ABCA1: variants seen among roughly 807,000 people sequenced by gnomAD.
ABCA1 encodes ATP binding cassette subfamily A member 1, also known as phospholipid-transporting ATPase ABCA1.
A neutral mutation model predicts 262.5 loss-of-function variants in ABCA1; 133 were observed. The ratio of observed to expected loss-of-function variants is 0.51; its 90% CI spans 0.44 to 0.59. The LOEUF is 0.59. Among genes scored for constraint, ABCA1 ranks in the 20% least tolerant of loss-of-function variants. ABCA1 has a pLI of 0.00. For synonymous variants in ABCA1, 1,022 were observed against 1,043.5 expected (o/e 0.98, Z 0.40); for missense variants, 2,452 against 2,777.5 (o/e 0.88, Z 2.63).
In ABCA1 at chr9:104,819,715, G is replaced by T. The variant is rs1330493099; in HGVS notation, c.3112C>A (p.Gln1038Lys). 2 of 1,614,048 alleles carry T rather than the reference G, an allele frequency of 1.2e-6. No homozygotes were observed. Among genetic ancestry groups the T allele is most frequent in the Non-Finnish European group, 1.7e-6 (2 of 1,180,046 alleles). ...GCCAAGGCCACAGATAGCTTTCTCT[G>T]CATTCCACCTACAAAAAAACAGAGC... ...SKTSQLSGGM[Q>K]RKLSVALAFV... Residue 1038 changes from glutamine (Q) to lysine (K), a missense_variant, in exon 22 of 50, where the codon CAG becomes AAG. Physicochemically the swap from Gln to Lys is moderately conservative, Grantham distance 53 (BLOSUM62 1). Transcript: ENST00000374736.
At chr9:104,855,157 G>A (rs144776970) in intron 7 of ABCA1, 1 of 984,956 alleles carries the variant, frequency 1.0e-6, no homozygotes, top group Admixed American at 6.1e-5. Flanking sequence ...CACTTCGCTT[G>A]GTATGAGTTC....
chr9:104,829,023 T>C lies in ABCA1; in HGVS notation c.2008A>G (p.Thr670Ala). 6.2e-7 allele frequency: 1 copy of C among 1,614,154 alleles called. No individual in the cohort carries two copies. Among genetic ancestry groups the C allele is most frequent in the Non-Finnish European group, 8.5e-7 (1 of 1,180,030 alleles). The change falls in exon 15 of 50, where the codon ACC becomes GCC. Residue 670 changes from threonine (T) to alanine (A), a missense_variant. This residue lies in a region of ABCA1 where 1,032 missense variants were observed against 1,089.7 expected (regional missense o/e 0.95). Transcript: ENST00000374736. ...TTGTCCAGGCCCATGATCCGCATGG[T>C]CTCTTTCAGCCGTGCCTCCTTCTCA... ...VYEKEARLKE[T>A]MRIMGLDNSI...
intron 4 of ABCA1, among the ~76,000 whole-genome samples, chr9:104,883,408 C>T (rs1265894884): frequency 1.3e-5 from 2 of 152,182 alleles, no homozygotes; most frequent in African/African-American, 4.8e-5. Flanking sequence ...CCCTTCAAGG[C>T]CCGGCTCATC....
At chr9:104,786,167 C>G (rs1416543174) in intron 48 of ABCA1, 131 bp downstream of exon 48, 1 of 786,498 alleles carries the variant, frequency 1.3e-6, no homozygotes, top group Non-Finnish European at 2.1e-6. Flanking sequence ...TCAAAGCCCT[C>G]ATTCTTTCCA....
chr9:104,869,820 C>T (rs776893337), intron 5 of ABCA1, among the ~76,000 whole-genome samples: 8 of 152,114 alleles, frequency 5.3e-5, no homozygotes, highest in Non-Finnish European at 7.4e-5. Flanking sequence ...AAACTCAGTT[C>T]CAGAATTTTC....
Position 104,794,501 on chromosome 9 carries a change from T to C in ABCA1, c.5392A>G (p.Asn1798Asp). 1 of 1,519,406 alleles carries C rather than the reference T, an allele frequency of 6.6e-7. No homozygotes were observed. The highest frequency in any genetic ancestry group is 8.9e-7 in the Non-Finnish European group (1 of 1,121,230). 94.1% of individuals were successfully genotyped at this position (1,519,406 alleles called of 1,614,324 possible). A position where few individuals can be genotyped will look rare whatever the true frequency, so the allele number is the denominator to read the frequency against. Reference sequence around the variant, plus strand: ...ACGGACTTCAGGATATCATTGATATTATTCAGCTTCTAAAAAAAAAAAAAA... The same window carrying C: ...ACGGACTTCAGGATATCATTGATATCATTCAGCTTCTAAAAAAAAAAAAAA... The part of the protein sequence containing the change: ...LELFTDNKLN[N>D]INDILKSVFL... The change falls in exon 40 of 50, where the codon AAT becomes GAT. Residue 1798 changes from asparagine (N) to aspartate (D), a missense_variant. Transcript: ENST00000374736.
In ABCA1 at chr9:104,884,449, C is replaced by A; in HGVS notation, c.280G>T (p.Val94Phe). Residue 94 changes from valine (V) to phenylalanine (F), a missense_variant, in exon 4 of 50, where the codon GTT (valine) becomes TTT (phenylalanine). By Grantham distance (50) the Val-to-Phe change is conservative. Coordinates refer to ENST00000374736, the MANE Select transcript of ABCA1 (RefSeq NM_005502.4). ...YPTPGEAPGV[V>F]GNFNKSIVAR... ...TACATGGATTTGTTAAAGTTTCCAA[C>A]AACTCCGGGAGCCTCCCCAGGAGTC... is the stretch of plus-strand genomic sequence containing the variant. 1 of 1,614,208 alleles carries A rather than the reference C, an allele frequency of 6.2e-7. No homozygotes were observed. The highest frequency in any genetic ancestry group is 8.5e-7 in the Non-Finnish European group (1 of 1,180,024).
At chr9:104,926,754 G>T (rs62568212) in intron 1 of ABCA1, among the ~76,000 whole-genome samples, 17,178 of 152,194 alleles carry the variant, frequency 0.11, 1,192 homozygotes, top group East Asian at 0.34. Context: ...GTCATTCCAC[G>T]GCACCACCTC....
chr9:104,827,089 C>T lies in ABCA1; in HGVS notation c.2196G>A (p.Gln732=), dbSNP rs187695583. Residue 732 remains glutamine (Q), a synonymous_variant, in exon 16 of 50, where the codon CAG becomes CAA. Transcript: ENST00000374736. ...AGAAGAGTGTGCTAATCAGGAAGCA[C>T]TGCAGGATTGTCACCACAGCAAACA... is the stretch of plus-strand genomic sequence containing the variant. The part of the protein sequence containing the change: ...LSVFAVVTIL[Q]CFLISTLFSR... 150 of 1,614,200 alleles carry T rather than the reference C, an allele frequency of 9.3e-5. No homozygotes were observed. The East Asian group carries it at 3.3e-3, about 35-fold the overall frequency.
intron 8 of ABCA1, among the ~76,000 whole-genome samples, chr9:104,843,094 C>T (rs1834531090): frequency 6.6e-6 from 1 of 152,152 alleles, no homozygotes; most frequent in Admixed American, 6.5e-5. Flanking sequence ...TCCTAATCAC[C>T]CCCTTTAAAA....
At chr9:104,914,695 C>T (rs1313986469) in intron 1 of ABCA1, among the ~76,000 whole-genome samples, 1 of 152,106 alleles carries the variant, frequency 6.6e-6, no homozygotes, top group African/African-American at 2.4e-5. Context: ...TCCACAATCA[C>T]ATGTAGAATG....
intron 12 of ABCA1, among the ~76,000 whole-genome samples, chr9:104,832,149 A>G (rs1044796159): frequency 1.3e-5 from 2 of 152,188 alleles, no homozygotes; most frequent in Non-Finnish European, 2.9e-5. Context: ...AACCAACCAG[A>G]CCAAAACACC....
At chr9:104,807,641 C>G (rs962899495) in intron 30 of ABCA1, among the ~76,000 whole-genome samples, 2 of 151,784 alleles carry the variant, frequency 1.3e-5, no homozygotes, top group African/African-American at 4.8e-5. Context: ...TGGTGAAACT[C>G]CATCTCTACT....
chr9:104,837,646 G>C (rs1404165925), intron 9 of ABCA1, 79 bp from the exon 10 acceptor site: 3 of 1,563,090 alleles, frequency 1.9e-6, no homozygotes, highest in East Asian at 2.3e-5. Flanking sequence ...TGGAGCCAGA[G>C]AGTTCTTAGT....
intron 7 of ABCA1, among the ~76,000 whole-genome samples, chr9:104,848,135 TC>T (rs759663960): frequency 4.1e-4 from 63 of 152,340 alleles, no homozygotes; most frequent in Non-Finnish European, 7.2e-4. Context: ...TGGTATAGCT[TC>T]CCTTGTAATT....
intron 6 of ABCA1, chr9:104,861,369 T>A: frequency 1.8e-6 from 1 of 550,290 alleles, no homozygotes; most frequent in Non-Finnish European, 3.2e-6. Flanking sequence ...GAACTGTGAA[T>A]ATTTTTTAAG....
At position 104,784,365 on chromosome 9, in the gene ABCA1, C is replaced by A; in HGVS notation, c.6736G>T (p.Val2246Phe). Reference protein sequence around the residue: ...HKNQTVVDVAVLTSFLQDEKV... With the variant: ...HKNQTVVDVAFLTSFLQDEKV... ...TCATCCTGTAGAAAAGATGTGAGAA[C>A]TGCAACGTCCACTACTGTCTGGTTT... is the stretch of plus-strand genomic sequence containing the variant. The change falls in exon 50 of 50, where the codon GTT (valine) becomes TTT (phenylalanine). Residue 2246 changes from valine to phenylalanine, a missense_variant. By Grantham distance (50) the Val-to-Phe change is conservative (BLOSUM62 -1). This residue lies in a region of ABCA1 where 752 missense variants were observed against 944.5 expected (regional missense o/e 0.80). Transcript: ENST00000374736. 1 of 1,614,130 alleles carries A rather than the reference C, an allele frequency of 6.2e-7. No homozygotes were observed. The highest frequency in any genetic ancestry group is 2.2e-5 in the East Asian group (1 of 44,858).
rs190391646 is a variant in ABCA1, at chr9:104,791,912, G to A, written c.5820+24C>T. 34 of 1,609,926 alleles carry A rather than the reference G, an allele frequency of 2.1e-5. No individual in the cohort carries two copies. The Admixed American group carries it at 2.2e-4, about 10-fold the overall frequency. On this transcript the variant is annotated intron_variant, in intron 43 of 49. Transcript: ENST00000374736. ...ATAGTCTGAACTAATAGGGACAAACGCAATATAGACAAAGTGTCTTTACCT... is the reference window on the plus strand; with the variant it reads ...ATAGTCTGAACTAATAGGGACAAACACAATATAGACAAAGTGTCTTTACCT...
intron 7 of ABCA1, among the ~76,000 whole-genome samples, chr9:104,850,760 C>G (rs1835309991): frequency 6.6e-6 from 1 of 152,198 alleles, no homozygotes; most frequent in Non-Finnish European, 1.5e-5. Flanking sequence ...CAAAGAGCTT[C>G]AGTAAAAAAT....
Sources: gnomAD v4.1 joint callset for allele counts (sites outside exome capture counted in the v4.1 genomes callset) on GRCh38, gnomAD v4.1.1 for gene constraint, gnomAD v4.1.1 regional missense constraint, MANE v1.5 for transcripts, NCBI Gene and HGNC (gene_info 2026-07-23, HGNC 2026-07-21) for gene names.